RANBP3: variants seen among roughly 807,000 people sequenced by gnomAD.
The protein encoded by RANBP3 is ran-binding protein 3.
In RANBP3, 14 loss-of-function variants were observed where a neutral mutation model predicts 77.3. The ratio of observed to expected loss-of-function variants is 0.18; its 90% CI spans 0.12 to 0.28. The LOEUF is 0.28. Ranked by LOEUF, RANBP3 falls within the 10% of genes least tolerant of loss-of-function variation. RANBP3 has a pLI of 1.00. For missense variants in RANBP3, 586 were observed against 752.3 expected (o/e 0.78, Z 2.59); for synonymous variants, 315 against 312.4 (o/e 1.01, Z -0.09).
rs2057822397 is a variant in RANBP3 at position 5,921,685 on chromosome 19, A to G, written c.1210-364T>C. ...CTGGCGGCTCCTCAAACTGCTTAAC[A>G]AGGAATTACCACATGCCCAAGCAAT... On this transcript the variant is annotated intron_variant, in intron 13 of 16. Coordinates refer to ENST00000340578, the MANE Select transcript of RANBP3 (RefSeq NM_007322.3). This position sits in a 1 kb window ranked among gnomAD's most constrained non-coding sequence, Gnocchi z 5.3. 1.3e-5 allele frequency among the ~76,000 whole-genome samples: 2 copies of G among 152,224 alleles called. No individual in the cohort carries two copies.
chr19:5,931,519 C>A lies in RANBP3; in HGVS notation c.578G>T (p.Gly193Val). Residue 193 changes from glycine (G) to valine (V), a missense_variant, in exon 8 of 17, where the codon GGC becomes GTC. By Grantham distance (109) the Gly-to-Val change is moderately radical (BLOSUM62 -3). Coordinates refer to ENST00000340578, the MANE Select transcript of RANBP3 (RefSeq NM_007322.3). ...KALSQTVPSS[G>V]TNGVSLPADC... ...TGCTGGGAGGCTGACCCCGTTGGTG[C>A]CACTGCTGGGGACTGTGGGAGGGAA... The A allele has an allele frequency of 1.2e-6, 2 of 1,610,206 alleles. No individual in the cohort carries two copies. Among genetic ancestry groups the A allele is most frequent in the Non-Finnish European group, 1.7e-6 (2 of 1,177,658 alleles).
chr19:5,923,115 G>T, intron 13 of RANBP3, 79 bp downstream of exon 13: 1 of 1,147,686 alleles, frequency 8.7e-7, no homozygotes, highest in Non-Finnish European at 1.3e-6. Context: ...GTGCTCAGAG[G>T]ATGTGGGCCC....
rs116319258 is a variant in RANBP3, at chr19:5,946,047, A to T, written c.283-4212T>A. On this transcript the variant is annotated intron_variant, in intron 3 of 16. Coordinates refer to ENST00000340578, the MANE Select transcript of RANBP3 (RefSeq NM_007322.3). ...CCATGTGGCCTCCTGTTTTCTGAACATGTTGGCTGCTCCTGCCTCACTGAG... is the reference window on the plus strand; with the variant it reads ...CCATGTGGCCTCCTGTTTTCTGAACTTGTTGGCTGCTCCTGCCTCACTGAG... 2.0e-3 allele frequency among the ~76,000 whole-genome samples: 303 copies of T among 151,548 alleles called. 1 individual carries two copies. The highest frequency in any genetic ancestry group is 7.1e-3 in the African/African-American group (294 of 41,274).
rs1024705494 is a variant in RANBP3 at position 5,924,121 on chromosome 19, C to T, written c.997-207G>A. On this transcript the variant is annotated intron_variant, in intron 11 of 16. Coordinates refer to ENST00000340578, the MANE Select transcript of RANBP3 (RefSeq NM_007322.3). This position sits in a 1 kb window ranked among gnomAD's most constrained non-coding sequence, Gnocchi z 4.7. ...GAGTGCCACCAGCCGACAGTCCCCT[C>T]GAGCCACACTGGTCACTCCGTCTGG... Among the ~76,000 whole-genome samples, 3 of 152,184 alleles carry T rather than the reference C, an allele frequency of 2.0e-5. No homozygotes were observed. The highest frequency in any genetic ancestry group is 1.9e-4 in the East Asian group (1 of 5,184).
chr19:5,941,387 T>C (rs1351758379), intron 5 of RANBP3, among the ~76,000 whole-genome samples: 1 of 152,170 alleles, frequency 6.6e-6, no homozygotes, highest in East Asian at 1.9e-4. Flanking sequence ...CTTCACAGTC[T>C]TCCTCAGGCC....
intron 3 of RANBP3, among the ~76,000 whole-genome samples, chr19:5,944,744 T>C (rs1437047383): frequency 6.6e-6 from 1 of 152,232 alleles, no homozygotes; most frequent in Non-Finnish European, 1.5e-5. Context: ...GCCTCACCTC[T>C]GGCTTCCCTG....
intron 14 of RANBP3, among the ~76,000 whole-genome samples, chr19:5,920,185 C>A (rs113948981): frequency 0.049 from 7,455 of 152,254 alleles, 449 homozygotes; most frequent in African/African-American, 0.14. Flanking sequence ...CTGTTTGATG[C>A]CAGGAGCTCA....
intron 1 of RANBP3, among the ~76,000 whole-genome samples, chr19:5,966,571 A>G (rs78161036): frequency 6.6e-6 from 1 of 152,358 alleles, no homozygotes; most frequent in Non-Finnish European, 1.5e-5. Flanking sequence ...GCTGCAGAGA[A>G]TAATTTACAA....
intron 1 of RANBP3, chr19:5,965,914 A>G (rs2145252346): frequency 6.6e-6 from 1 of 152,298 alleles, no homozygotes; most frequent in East Asian, 1.9e-4. Flanking sequence ...GGTGGCTTAC[A>G]CCAACATCCT....
At position 5,951,528 on chromosome 19, in the gene RANBP3, G is replaced by A. The variant is rs200537228; in HGVS notation, c.147C>T (p.His49=). The change falls in exon 3 of 17, where the codon CAC becomes CAT. Residue 49 remains histidine, a synonymous_variant. Transcript: ENST00000340578. The part of the protein sequence containing the change: ...EEPRGEAEAP[H]HGTGHPESAG... Reference sequence around the variant, plus strand: ...CTGACTCGGGGTGACCCGTGCCATGGTGGGGGGCCTCAGCCTCCCCCCGAG... The same window carrying A: ...CTGACTCGGGGTGACCCGTGCCATGATGGGGGGCCTCAGCCTCCCCCCGAG... The A allele has an allele frequency of 2.2e-5, 35 of 1,612,488 alleles. No individual in the cohort carries two copies. The African/African-American group carries it at 2.4e-4, about 11-fold the overall frequency.
chr19:5,957,901 A>C lies in RANBP3; in HGVS notation c.78+17T>G. On this transcript the variant is annotated intron_variant, in intron 2 of 16. Transcript: ENST00000340578. ...ATTAGAGTAACGAAGTGAAGAGAGAACGTACCGGCCCCTTACCTTTTGTCC... is the reference window on the plus strand; with the variant it reads ...ATTAGAGTAACGAAGTGAAGAGAGACCGTACCGGCCCCTTACCTTTTGTCC... 6.2e-7 allele frequency: 1 copy of C among 1,613,648 alleles called. No individual in the cohort carries two copies. The highest frequency in any genetic ancestry group is 8.5e-7 in the Non-Finnish European group (1 of 1,179,636).
Position 5,939,484 on chromosome 19 carries a change from C to T in RANBP3, c.406+2137G>A, listed in dbSNP as rs138097280. On this transcript the variant is annotated intron_variant, in intron 5 of 16. Transcript: ENST00000340578. ...CTCCCAGGAGAACCCCCAGGCCGGG[C>T]GGGAAGGCAGAGGGGCCGGGGCTCA... 9.5e-4 allele frequency among the ~76,000 whole-genome samples: 145 copies of T among 152,342 alleles called. 1 individual carries two copies. The highest frequency in any genetic ancestry group is 3.5e-3 in the African/African-American group (144 of 41,574).
In RANBP3 at chr19:5,931,456, G is replaced by T; in HGVS notation, c.641C>A (p.Thr214Asn). Residue 214 changes from threonine (T) to asparagine (N), a missense_variant, in exon 8 of 17, where the codon ACT (threonine) becomes AAT (asparagine). This residue lies in a region of RANBP3 where 232 missense variants were observed against 271.7 expected (regional missense o/e 0.85). Transcript: ENST00000340578. The stretch of plus-strand genomic sequence containing the variant: ...TTCGGAAGGACTTCTCCATGCAGCA[G>T]TGTCAGGGGATGCTGCGGGCACTGC... The part of the protein sequence containing the change: ...TGAVPAASPD[T>N]AAWRSPSEAA... 1 of 1,613,040 alleles carries T rather than the reference G, an allele frequency of 6.2e-7. No individual in the cohort carries two copies. Among genetic ancestry groups the T allele is most frequent in the South Asian group, 1.1e-5 (1 of 91,042 alleles).
chr19:5,964,786 C>T (rs1484822341), intron 1 of RANBP3, among the ~76,000 whole-genome samples: 2 of 142,254 alleles, frequency 1.4e-5, no homozygotes, highest in Non-Finnish European at 3.0e-5. Flanking sequence ...GCTTGGGACA[C>T]GCCTTGGGGA....
rs1053202257 is a variant in RANBP3 at position 5,924,291 on chromosome 19, C to T, written c.997-377G>A. Among the ~76,000 whole-genome samples, 5 of 152,370 alleles carry T rather than the reference C, an allele frequency of 3.3e-5. No individual in the cohort carries two copies. Among genetic ancestry groups the T allele is most frequent in the East Asian group, 1.9e-4 (1 of 5,192 alleles). On this transcript the variant is annotated intron_variant, in intron 11 of 16. Transcript: ENST00000340578. This position sits in a 1 kb window ranked among gnomAD's most constrained non-coding sequence, Gnocchi z 4.7. ...GGCTCAGGACAGGCCCTCACGCAGT[C>T]GCAATGGAGCTGGGTGGAATCAGGA... is the stretch of plus-strand genomic sequence containing the variant.
chr19:5,933,505 C>T (rs1309586442), intron 5 of RANBP3, 26 bp from the exon 6 acceptor site: 1 of 1,608,334 alleles, frequency 6.2e-7, no homozygotes, highest in Middle Eastern at 1.7e-4. Context: ...AAAATATCAA[C>T]AGCAGGCCTG....
At chr19:5,963,579 T>C (rs372353924) in intron 1 of RANBP3, among the ~76,000 whole-genome samples, 9 of 152,266 alleles carry the variant, frequency 5.9e-5, no homozygotes, top group African/African-American at 2.2e-4. Context: ...AAGAAACTCA[T>C]TTGACCAGAC....
intron 1 of RANBP3, among the ~76,000 whole-genome samples, chr19:5,971,961 C>A (rs1568484243): frequency 6.6e-6 from 1 of 152,240 alleles, no homozygotes; most frequent in Non-Finnish European, 1.5e-5. Context: ...CACTGCTGTG[C>A]AAGAATGCAG....
intron 1 of RANBP3, 94 bp downstream of exon 1, chr19:5,977,967 A>C: frequency 6.6e-7 from 1 of 1,521,202 alleles, no homozygotes; most frequent in Non-Finnish European, 8.9e-7. Context: ...AAACCCTTGC[A>C]CTCTGCGGTG....
Sources: allele counts gnomAD v4.1 joint callset (sites outside exome capture counted in the v4.1 genomes callset), GRCh38; gene constraint gnomAD v4.1.1; regional missense constraint gnomAD v4.1.1; non-coding constraint Gnocchi (gnomAD v3.1); transcripts MANE v1.5; gene names NCBI Gene and HGNC (gene_info 2026-07-23, HGNC 2026-07-21).